The following GCN1 variants were observed in gnomAD, a reference collection of about 807,000 sequenced individuals.
The protein encoded by GCN1 is stalled ribosome sensor GCN1.
Under a neutral mutation model 288.4 loss-of-function variants are expected in GCN1, and 90 were observed. That is an observed-to-expected ratio of 0.31 (90% CI 0.26 to 0.37). The LOEUF (loss-of-function observed/expected upper bound fraction) is 0.37, where lower values mean the gene tolerates loss of function less well. Among genes scored for constraint, GCN1 ranks in the 10% least tolerant of loss-of-function variants. GCN1 has a pLI of 1.00. For missense variants in GCN1, 2,586 were observed against 3,419.9 expected, an observed-to-expected ratio of 0.76 and a Z score of 6.08; for synonymous variants, 1,386 against 1,420.2, an observed-to-expected ratio of 0.98 and a Z score of 0.54.
At chr12:120,160,960 C>T (rs573928082) in intron 22 of GCN1, among the ~76,000 whole-genome samples, 1 of 152,292 alleles carries the variant, frequency 6.6e-6, no homozygotes, top group African/African-American at 2.4e-5. Context: ...AGCTGGCCAC[C>T]TCTCTGAGAA....
chr12:120,157,823 G>C (rs1316572952), intron 26 of GCN1, 26 bp downstream of exon 26: 2 of 1,600,836 alleles, frequency 1.2e-6, no homozygotes, highest in East Asian at 2.2e-5. Flanking sequence ...TTTAAACCAA[G>C]AGGAGAGCAG....
chr12:120,159,826 C>T lies in GCN1; in HGVS notation c.2748G>A (p.Leu916=). ...TGCAGCCAGCAAACAAGGACTAACC[C>T]AAAGCCTTGAGCCTAGAGGGCATGA... ...ACVMPSRLKA[L]GTLVSHVTLR... is the part of the protein sequence containing the mutation. The change falls in exon 24 of 58, where the codon TTG becomes TTA. Residue 916 remains leucine (L), a splice_region_variant and synonymous_variant. Transcript: ENST00000300648. 6.2e-7 allele frequency: 1 copy of T among 1,613,960 alleles called. No individual in the cohort carries two copies. The highest frequency in any genetic ancestry group is 8.5e-7 in the Non-Finnish European group (1 of 1,179,844).
chr12:120,160,585 T>C (rs897452319), intron 22 of GCN1, among the ~76,000 whole-genome samples: 3 of 152,212 alleles, frequency 2.0e-5, no homozygotes, highest in African/African-American at 7.2e-5. Context: ...GAATCAAAAC[T>C]TTAGCCTCCT....
At chr12:120,161,397 C>G in intron 22 of GCN1, 93 bp downstream of exon 22, 1 of 785,806 alleles carries the variant, frequency 1.3e-6, no homozygotes, top group South Asian at 1.5e-5. Context: ...TCAGGATGTT[C>G]CAAGTGAACA....
chr12:120,162,805 C>G (rs1334230975), intron 20 of GCN1, 42 bp downstream of exon 20: 1 of 1,604,884 alleles, frequency 6.2e-7, no homozygotes, highest in African/African-American at 1.3e-5. Context: ...TGAGAGGGCC[C>G]CCTCCCGGAC....
chr12:120,185,934 G>A lies in GCN1; in HGVS notation c.122-1047C>T, dbSNP rs1185342492. On this transcript the variant is annotated intron_variant, in intron 2 of 57. Coordinates refer to ENST00000300648, the MANE Select transcript of GCN1 (RefSeq NM_006836.2). Reference sequence around the variant, plus strand: ...TTTAAATGAAGAAACCAAGTAATGGGAAACCAAGCCAGCCAGTCAGAGTGA... The same window carrying A: ...TTTAAATGAAGAAACCAAGTAATGGAAAACCAAGCCAGCCAGTCAGAGTGA... 1.1e-4 allele frequency among the ~76,000 whole-genome samples: 17 copies of A among 152,250 alleles called. No homozygotes were observed. The South Asian group carries it at 3.3e-3, about 30-fold the overall frequency.
In GCN1 at chr12:120,142,362, T is replaced by C. The variant is rs763198812; in HGVS notation, c.5829+145A>G. On this transcript the variant is annotated intron_variant, in intron 44 of 57. Transcript: ENST00000300648. The surrounding 1 kb of genome is among the most constrained non-coding windows in gnomAD (Gnocchi z 4.9). ...TAAAATAAAATTAATCAAAAAATAT[T>C]TGCAGAATGACTAAGTAAAGAACAC... 1.6e-6 allele frequency: 1 copy of C among 613,160 alleles called. No individual in the cohort carries two copies. The highest frequency in any genetic ancestry group is 1.8e-5 in the African/African-American group (1 of 54,136). The allele number at this position is 613,160 out of a possible 1,614,324, so 38.0% of individuals were successfully genotyped here. A position where few individuals can be genotyped will look rare whatever the true frequency, so the allele number is the denominator to read the frequency against.
intron 5 of GCN1, among the ~76,000 whole-genome samples, chr12:120,181,550 C>T (rs1313993740): frequency 6.8e-6 from 1 of 147,296 alleles, no homozygotes. Context: ...TAAAAGTAGG[C>T]TGGGCACGAC....
At chr12:120,130,609 G>A (rs1876784097) in intron 56 of GCN1, 37 bp downstream of exon 56, 3 of 1,358,312 alleles carry the variant, frequency 2.2e-6, no homozygotes, top group African/African-American at 2.9e-5. Context: ...CACAAGCCAG[G>A]TGTTAGGGCT....
chr12:120,181,134 G>A (rs944065143), intron 5 of GCN1, among the ~76,000 whole-genome samples: 8 of 151,990 alleles, frequency 5.3e-5, no homozygotes, highest in East Asian at 1.9e-4. Flanking sequence ...ATAAAAAACC[G>A]TAAGCAACAG....
intron 1 of GCN1, among the ~76,000 whole-genome samples, chr12:120,193,107 C>G (rs1176155066): frequency 6.6e-6 from 1 of 152,146 alleles, no homozygotes; most frequent in Non-Finnish European, 1.5e-5. Flanking sequence ...AATCCCAGCA[C>G]TTTGGGAGGC....
At chr12:120,162,789 CTG>C in intron 20 of GCN1, 56 bp downstream of exon 20, 5 of 1,576,182 alleles carry the variant, frequency 3.2e-6, no homozygotes, top group Non-Finnish European at 4.3e-6. Context: ...TTCCTGTACA[CTG>C]TGATGAGAGG....
intron 1 of GCN1, among the ~76,000 whole-genome samples, chr12:120,192,418 T>C (rs1879031608): frequency 6.6e-6 from 1 of 152,156 alleles, no homozygotes; most frequent in Admixed American, 6.6e-5. Context: ...TAGGTTGAAA[T>C]CATTTTCCTT....
At chr12:120,160,286 A>G in intron 22 of GCN1, 31 bp from the exon 23 acceptor site, 2 of 1,461,340 alleles carry the variant, frequency 1.4e-6, no homozygotes, top group Non-Finnish European at 1.9e-6. Flanking sequence ...AACCAATCCC[A>G]TCTCCAGGGA....
At chr12:120,139,216 A>T (rs1041736588) in intron 45 of GCN1, among the ~76,000 whole-genome samples, 30 of 152,120 alleles carry the variant, frequency 2.0e-4, no homozygotes, top group African/African-American at 6.7e-4. Flanking sequence ...AGGCTGAGGC[A>T]CAAGAATCGC....
In GCN1 at chr12:120,153,912, G is replaced by T. The variant is rs755988378; in HGVS notation, c.3702-3C>A. The stretch of plus-strand genomic sequence containing the variant: ...TGAGGGCCAACGCCAAGCCACACCT[G>T]GGAAAGAAGTGGGAGCACATCAGGA... On this transcript the variant is annotated splice_polypyrimidine_tract_variant and splice_region_variant and intron_variant, in intron 31 of 57. Transcript: ENST00000300648. The surrounding 1 kb of genome is among the most constrained non-coding windows in gnomAD (Gnocchi z 4.4). The T allele has an allele frequency of 1.2e-6, 2 of 1,613,050 alleles. No individual in the cohort carries two copies. The highest frequency in any genetic ancestry group is 3.3e-5 in the Admixed American group (2 of 59,944).
At chr12:120,138,627 C>T (rs1473880663) in intron 46 of GCN1, 68 bp downstream of exon 46, 8 of 1,477,416 alleles carry the variant, frequency 5.4e-6, no homozygotes, top group Non-Finnish European at 6.6e-6. Context: ...AATAATCGCC[C>T]TGTATTTTCC....
chr12:120,185,016 A>G, intron 2 of GCN1, 129 bp from the exon 3 acceptor site: 1 of 660,136 alleles, frequency 1.5e-6, no homozygotes, highest in South Asian at 1.7e-5. Context: ...CTTCCTCCCC[A>G]AGAGGAAAAA....
At chr12:120,154,931 C>A (rs1877690713) in intron 31 of GCN1, 39 bp downstream of exon 31, 1 of 1,567,002 alleles carries the variant, frequency 6.4e-7, no homozygotes. Context: ...CCACATCTCA[C>A]AAAGCTTGGA....
Sources: allele counts gnomAD v4.1 joint callset (sites outside exome capture counted in the v4.1 genomes callset), GRCh38; gene constraint gnomAD v4.1.1; non-coding constraint Gnocchi (gnomAD v3.1); transcripts MANE v1.5; gene names NCBI Gene and HGNC (gene_info 2026-07-23, HGNC 2026-07-21).